EGLN3: variants seen among roughly 807,000 people sequenced by gnomAD.
EGLN3 encodes the protein egl-9 family hypoxia inducible factor 3, also known as prolyl hydroxylase EGLN3.
A neutral mutation model predicts 26.0 loss-of-function variants in EGLN3; 15 were observed. The ratio of observed to expected loss-of-function variants is 0.58; its 90% CI spans 0.39 to 0.89. EGLN3 has a LOEUF of 0.89. Ranked by LOEUF, EGLN3 falls within the 40% of genes least tolerant of loss-of-function variation. The pLI is 0.00. For missense variants in EGLN3, 238 were observed against 311.6 expected, an observed-to-expected ratio of 0.76 and a Z score of 1.78; for synonymous variants, 147 against 127.2, an observed-to-expected ratio of 1.16 and a Z score of -1.05.
intron 1 of EGLN3, chr14:33,948,830 A>G (rs1469590330): frequency 6.6e-6 from 1 of 152,212 alleles, no homozygotes; most frequent in Admixed American, 6.5e-5. Flanking sequence ...TAAAAACCCA[A>G]TAAGAAGCCG....
intron 4 of EGLN3, 116 bp downstream of exon 4, chr14:33,926,841 CATT>C (rs1555343203): frequency 1.6e-6 from 1 of 629,478 alleles, no homozygotes; most frequent in Non-Finnish European, 2.4e-6. Flanking sequence ...ATCAAGATGT[CATT>C]ATATATAAAG....
At position 33,950,031 on chromosome 14, in the gene EGLN3, A is replaced by C; in HGVS notation, c.357+365T>G. 3 of 527,578 alleles carry C rather than the reference A, an allele frequency of 5.7e-6. No homozygotes were observed. In the South Asian group the frequency reaches 9.1e-5, roughly 16 times the overall value. 32.7% of individuals were successfully genotyped at this position (527,578 alleles called of 1,614,324 possible). A position where few individuals can be genotyped will look rare whatever the true frequency, so the allele number is the denominator to read the frequency against. Reference sequence around the variant, plus strand: ...AAAGTAGGCATTTAAGATCATGAGGACACGTGTGTCTCAGATGATACACAG... The same window carrying C: ...AAAGTAGGCATTTAAGATCATGAGGCCACGTGTGTCTCAGATGATACACAG... On this transcript the variant is annotated intron_variant, in intron 1 of 4. Transcript: ENST00000250457.
intron 1 of EGLN3, among the ~76,000 whole-genome samples, chr14:33,940,610 A>G (rs1265404328): frequency 6.6e-6 from 1 of 152,164 alleles, no homozygotes; most frequent in Non-Finnish European, 1.5e-5. Context: ...AAGAATCTGC[A>G]TTTACTGCAT....
At chr14:33,949,145 T>C (rs1174216316) in intron 1 of EGLN3, 2 of 152,212 alleles carry the variant, frequency 1.3e-5, no homozygotes, top group African/African-American at 2.4e-5. Flanking sequence ...AGATATTCTA[T>C]TCATGGCCTC....
In EGLN3 at chr14:33,949,107, A is replaced by G. The variant is rs370716102; in HGVS notation, c.357+1289T>C. 1.6e-4 allele frequency: 24 copies of G among 152,350 alleles called. No individual in the cohort carries two copies. The East Asian group carries it at 2.9e-3, about 18-fold the overall frequency. The allele number at this position is 152,350 out of a possible 1,614,324, so 9.4% of individuals were successfully genotyped here. A position where few individuals can be genotyped will look rare whatever the true frequency, so the allele number is the denominator to read the frequency against. Reference sequence around the variant, plus strand: ...AGCAGTATCTTCTAAGATTTACTTTACTTGGGTGCATTAATAACGATGCTT... The same window carrying G: ...AGCAGTATCTTCTAAGATTTACTTTGCTTGGGTGCATTAATAACGATGCTT... On this transcript the variant is annotated intron_variant, in intron 1 of 4. Transcript: ENST00000250457.
chr14:33,941,320 G>C (rs1319659131), intron 1 of EGLN3, among the ~76,000 whole-genome samples: 1 of 152,048 alleles, frequency 6.6e-6, no homozygotes, highest in Admixed American at 6.6e-5. Context: ...TGGCCCTGGC[G>C]TCTCTGAGCC....
At chr14:33,934,300 G>A (rs1769610) in intron 1 of EGLN3, among the ~76,000 whole-genome samples, 50,984 of 151,902 alleles carry the variant, frequency 0.34, 9,362 homozygotes, top group Non-Finnish European at 0.43. Context: ...CTCTAGACAC[G>A]TATGCAGCCA....
rs777492371 is a variant in EGLN3, at chr14:33,924,825, C to T, written c.*1066G>A. 2 of 151,234 alleles carry T rather than the reference C, an allele frequency of 1.3e-5. No individual in the cohort carries two copies. The highest frequency in any genetic ancestry group is 1.5e-5 in the Non-Finnish European group (1 of 67,950). The allele number at this position is 151,234 out of a possible 1,614,324, so 9.4% of individuals were successfully genotyped here. A position where few individuals can be genotyped will look rare whatever the true frequency, so the allele number is the denominator to read the frequency against. On this transcript the variant is annotated 3_prime_UTR_variant, in exon 5 of 5. Coordinates refer to ENST00000250457, the MANE Select transcript of EGLN3 (RefSeq NM_022073.4). ...AGCCAAGTGAGCTGAAGAAAGACTG[C>T]TAGGGACAGACGAGAACTCAAATAG...
intron 1 of EGLN3, among the ~76,000 whole-genome samples, chr14:33,933,024 T>C (rs2064415226): frequency 6.6e-6 from 1 of 151,984 alleles, no homozygotes; most frequent in African/African-American, 2.4e-5. Flanking sequence ...CCCCACTGAG[T>C]GTGTCTGAAA....
chr14:33,933,407 G>T (rs1003176866), intron 1 of EGLN3, among the ~76,000 whole-genome samples: 2 of 150,932 alleles, frequency 1.3e-5, no homozygotes, highest in Non-Finnish European at 2.9e-5. Context: ...GCCAATTCCA[G>T]AGGACTTACT....
At chr14:33,944,188 C>G (rs970761685) in intron 1 of EGLN3, among the ~76,000 whole-genome samples, 1 of 152,092 alleles carries the variant, frequency 6.6e-6, no homozygotes, top group Non-Finnish European at 1.5e-5. Context: ...ATGGTGCAAT[C>G]TCGGCTCACT....
rs745778835 is a variant in EGLN3, at chr14:33,925,867, A to C, written c.*24T>G. On this transcript the variant is annotated 3_prime_UTR_variant, in exon 5 of 5. Transcript: ENST00000250457. Reference sequence around the variant, plus strand: ...TCAGGAACCGTTACTAAAATGAACAAGGCCAGCAGATTTCAGAGCACGGTC... The same window carrying C: ...TCAGGAACCGTTACTAAAATGAACACGGCCAGCAGATTTCAGAGCACGGTC... 1 of 1,613,752 alleles carries C rather than the reference A, an allele frequency of 6.2e-7. No individual in the cohort carries two copies. The highest frequency in any genetic ancestry group is 8.5e-7 in the Non-Finnish European group (1 of 1,179,748).
At chr14:33,939,268 T>G (rs1298483990) in intron 1 of EGLN3, among the ~76,000 whole-genome samples, 4 of 152,100 alleles carry the variant, frequency 2.6e-5, no homozygotes, top group South Asian at 2.1e-4. Flanking sequence ...TGGAGTGCAC[T>G]GGCGCGATCT....
rs2064351510 is a variant in EGLN3 at position 33,925,017 on chromosome 14, A to ACACATG, written c.*868_*873dup. Reference sequence around the variant, plus strand: ...TCCCCTCTCAAATTGTTCAAGATGCACACATGTTTATTGTATATCAGTAGA... The same window carrying ACACATG: ...TCCCCTCTCAAATTGTTCAAGATGCACACATGCACATGTTTATTGTATATCAGTAGA... On this transcript the variant is annotated 3_prime_UTR_variant, in exon 5 of 5. Transcript: ENST00000250457. The ACACATG allele has an allele frequency of 6.6e-6, 1 of 150,680 alleles. No individual in the cohort carries two copies. Among genetic ancestry groups the ACACATG allele is most frequent in the Admixed American group, 6.6e-5 (1 of 15,092 alleles). 9.3% of individuals were successfully genotyped at this position (150,680 alleles called of 1,614,324 possible).
chr14:33,927,270 G>A (rs1189000783), intron 3 of EGLN3, among the ~76,000 whole-genome samples: 1 of 151,828 alleles, frequency 6.6e-6, no homozygotes, highest in African/African-American at 2.4e-5. Context: ...CCAGGTTCAA[G>A]CGATTCTCCT....
At chr14:33,940,965 C>G (rs944051428) in intron 1 of EGLN3, among the ~76,000 whole-genome samples, 2 of 152,178 alleles carry the variant, frequency 1.3e-5, no homozygotes, top group African/African-American at 4.8e-5. Flanking sequence ...CGAGTCTGCT[C>G]TCTCCAGGAA....
At chr14:33,950,311 G>A (rs527597710) in intron 1 of EGLN3, 85 bp downstream of exon 1, 9 of 1,293,886 alleles carry the variant, frequency 7.0e-6, no homozygotes, top group Middle Eastern at 1.8e-4. Flanking sequence ...TTCGCTTACG[G>A]CCCTGGGAAG....
At chr14:33,929,917 G>C (rs547074343) in intron 2 of EGLN3, among the ~76,000 whole-genome samples, 1 of 152,214 alleles carries the variant, frequency 6.6e-6, no homozygotes, top group South Asian at 2.1e-4. Flanking sequence ...AGAATTTACA[G>C]CTCTTCTGAA....
chr14:33,950,270 AC>A (rs1376125313), intron 1 of EGLN3, 125 bp downstream of exon 1: 11 of 928,854 alleles, frequency 1.2e-5, no homozygotes, highest in Non-Finnish European at 1.9e-5. Context: ...GTAGAGACAA[AC>A]CAGGCTGACT....
Sources: gnomAD v4.1 joint callset for allele counts (sites outside exome capture counted in the v4.1 genomes callset) on GRCh38, gnomAD v4.1.1 for gene constraint, MANE v1.5 for transcripts, NCBI Gene and HGNC (gene_info 2026-07-23, HGNC 2026-07-21) for gene names.